Variants in AKAP19 observed in about 807,000 individuals in gnomAD.
AKAP19 encodes the protein A-kinase anchoring protein 19.
the AKAP19 span, among the ~76,000 whole-genome samples, chr2:190,016,322 G>C: frequency 5.3e-5 from 8 of 152,204 alleles, no homozygotes; most frequent in African/African-American, 1.9e-4. Context: ...AGAAGGGGAA[G>C]AGGTATGTCT....
the AKAP19 span, among the ~76,000 whole-genome samples, chr2:189,904,272 C>T: frequency 2.0e-5 from 3 of 152,002 alleles, no homozygotes; most frequent in African/African-American, 7.2e-5. Flanking sequence ...CGCAGCAATA[C>T]TGTAGGTCAA....
At chr2:190,045,257 C>T in the AKAP19 span, among the ~76,000 whole-genome samples, 1 of 152,084 alleles carries the variant, frequency 6.6e-6, no homozygotes, top group Non-Finnish European at 1.5e-5. Flanking sequence ...AGCAGCTGTG[C>T]TGTGCTGGAG....
the AKAP19 span, chr2:190,062,076 G>A: frequency 6.5e-5 from 54 of 830,176 alleles, no homozygotes; most frequent in East Asian, 1.3e-3. Flanking sequence ...ATATTCTCAT[G>A]CAATCTTGAA....
chr2:189,944,123 C>T, the AKAP19 span, among the ~76,000 whole-genome samples: 15 of 151,964 alleles, frequency 9.9e-5, no homozygotes, highest in African/African-American at 1.2e-4. Flanking sequence ...TGGGAGAGGC[C>T]GGGGCAGAGT....
At chr2:190,060,406 G>C in the AKAP19 span, 2 of 1,610,266 alleles carry the variant, frequency 1.2e-6, no homozygotes, top group Admixed American at 3.4e-5. Flanking sequence ...CAACATTTGG[G>C]TTTTCCATCC....
chr2:189,937,169 T>TA, the AKAP19 span, among the ~76,000 whole-genome samples: 4 of 151,594 alleles, frequency 2.6e-5, no homozygotes, highest in Non-Finnish European at 5.9e-5. Context: ...AAATACAAAC[T>TA]AAAAAACAAT....
the AKAP19 span, among the ~76,000 whole-genome samples, chr2:189,881,136 A>G: frequency 7.9e-3 from 1,200 of 152,174 alleles, 11 homozygotes; most frequent in South Asian, 0.02. Flanking sequence ...GCAAAGCCAA[A>G]TGAAAAATGA....
At chr2:190,016,652 A>G in the AKAP19 span, among the ~76,000 whole-genome samples, 1 of 152,340 alleles carries the variant, frequency 6.6e-6, no homozygotes, top group African/African-American at 2.4e-5. Flanking sequence ...ATCAGAAAAG[A>G]TGATAGGATT....
At chr2:190,127,184 C>A in the AKAP19 span, among the ~76,000 whole-genome samples, 1 of 136,832 alleles carries the variant, frequency 7.3e-6, no homozygotes, top group Non-Finnish European at 1.5e-5. Context: ...CAATATGTGC[C>A]CTGACTGGAA....
chr2:190,146,516 C>A, the AKAP19 span, among the ~76,000 whole-genome samples: 1 of 152,188 alleles, frequency 6.6e-6, no homozygotes, highest in Non-Finnish European at 1.5e-5. Context: ...GGTAGATACC[C>A]AGTAATGGGA....
the AKAP19 span, among the ~76,000 whole-genome samples, chr2:190,073,108 A>T: frequency 6.6e-6 from 1 of 152,192 alleles, no homozygotes; most frequent in Non-Finnish European, 1.5e-5. Context: ...AGAATGCACA[A>T]ATACTGTAAA....
chr2:190,060,431 A>G, the AKAP19 span: 2 of 1,609,512 alleles, frequency 1.2e-6, no homozygotes, highest in Admixed American at 3.4e-5. Flanking sequence ...GCATTAGAAA[A>G]TCAGCTATAA....
the AKAP19 span, chr2:189,917,362 T>C: frequency 2.7e-6 from 3 of 1,110,818 alleles, no homozygotes; most frequent in South Asian, 3.8e-5. Flanking sequence ...GTATTTTAGA[T>C]CAGTTTCCCT....
At chr2:190,026,097 C>T in the AKAP19 span, among the ~76,000 whole-genome samples, 4 of 152,042 alleles carry the variant, frequency 2.6e-5, no homozygotes, top group African/African-American at 9.7e-5. Flanking sequence ...AACATGACTA[C>T]TTCAGGCCAA....
At chr2:189,959,338 CT>C in the AKAP19 span, among the ~76,000 whole-genome samples, 162 of 152,184 alleles carry the variant, frequency 1.1e-3, no homozygotes, top group Non-Finnish European at 1.9e-3. Flanking sequence ...AGATAACCAA[CT>C]GCTATTTCAG....
chr2:190,098,309 A>G, the AKAP19 span, among the ~76,000 whole-genome samples: 6 of 152,234 alleles, frequency 3.9e-5, no homozygotes, highest in Non-Finnish European at 7.3e-5. Flanking sequence ...CACAAGCATG[A>G]AAACAACATT....
the AKAP19 span, among the ~76,000 whole-genome samples, chr2:189,995,260 C>T: frequency 6.6e-6 from 1 of 152,192 alleles, no homozygotes; most frequent in Admixed American, 6.5e-5. Context: ...CTATCTATCA[C>T]ATTTCTTAAG....
the AKAP19 span, among the ~76,000 whole-genome samples, chr2:190,085,365 G>C: frequency 2.0e-5 from 3 of 152,264 alleles, no homozygotes; most frequent in East Asian, 3.9e-4. Context: ...AAGAATTAGT[G>C]TGAAAGCTTA....
chr2:190,026,755 T>A, the AKAP19 span, among the ~76,000 whole-genome samples: 1 of 152,194 alleles, frequency 6.6e-6, no homozygotes, highest in African/African-American at 2.4e-5. Context: ...TGTGAGTATG[T>A]AGGAGCTGAG....
Sources: gnomAD v4.1 joint callset for allele counts (sites outside exome capture counted in the v4.1 genomes callset) on GRCh38, gnomAD v4.1.1 for gene constraint, MANE v1.5 for transcripts, NCBI Gene and HGNC (gene_info 2026-07-23, HGNC 2026-07-21) for gene names.